Variants in SUCLG2 observed in about 807,000 individuals in gnomAD.
The protein encoded by SUCLG2 is succinate--CoA ligase [GDP-forming] subunit beta, mitochondrial.
Under a neutral mutation model 47.9 loss-of-function variants are expected in SUCLG2, and 42 were observed. The observed-to-expected ratio is 0.88, with a 90% CI of 0.69 to 1.14. The LOEUF is 1.14. Ranked by LOEUF, SUCLG2 falls within the 50% of genes most tolerant of loss-of-function variation. The pLI is 0.00. For synonymous variants in SUCLG2, 195 were observed against 197.3 expected (o/e 0.99, Z 0.10); for missense variants, 571 against 525.9 (o/e 1.09, Z -0.84).
At chr3:67,525,245 T>C (rs967297600) in intron 4 of SUCLG2, among the ~76,000 whole-genome samples, 2 of 152,188 alleles carry the variant, frequency 1.3e-5, no homozygotes, top group African/African-American at 4.8e-5. Flanking sequence ...TATCAAAATC[T>C]TAGCAAGATT....
intron 7 of SUCLG2, among the ~76,000 whole-genome samples, chr3:67,499,361 G>C (rs1705436163): frequency 6.6e-6 from 1 of 151,998 alleles, no homozygotes; most frequent in South Asian, 2.1e-4. Context: ...TTAAAACAAG[G>C]GCCATGCCCT....
At chr3:67,363,742 A>T (rs1168405525) in intron 10 of SUCLG2, among the ~76,000 whole-genome samples, 1 of 152,196 alleles carries the variant, frequency 6.6e-6, no homozygotes, top group South Asian at 2.1e-4. Flanking sequence ...AAAAAAGGGT[A>T]ACTCAGCAAA....
intron 2 of SUCLG2, among the ~76,000 whole-genome samples, chr3:67,539,306 A>G (rs1405339188): frequency 6.6e-6 from 1 of 152,112 alleles, no homozygotes; most frequent in African/African-American, 2.4e-5. Context: ...TTCTGCATCT[A>G]TTGAGATAAT....
chr3:67,377,897 A>G (rs1235089045), intron 10 of SUCLG2, among the ~76,000 whole-genome samples: 2 of 152,096 alleles, frequency 1.3e-5, no homozygotes, highest in Non-Finnish European at 2.9e-5. Context: ...CAAGGACTCC[A>G]TCTGCCGTGG....
At chr3:67,406,488 A>G (rs1702813641) in intron 9 of SUCLG2, among the ~76,000 whole-genome samples, 1 of 152,234 alleles carries the variant, frequency 6.6e-6, no homozygotes, top group Non-Finnish European at 1.5e-5. Flanking sequence ...ATAGGCAGAG[A>G]CATTTAAGCT....
chr3:67,465,197 G>A (rs753389440), intron 9 of SUCLG2, among the ~76,000 whole-genome samples: 4 of 152,092 alleles, frequency 2.6e-5, no homozygotes, highest in Non-Finnish European at 5.9e-5. Flanking sequence ...TCCTATCTTT[G>A]TCTAAGATTT....
intron 2 of SUCLG2, among the ~76,000 whole-genome samples, chr3:67,608,320 G>C (rs1700461942): frequency 6.6e-6 from 1 of 152,292 alleles, no homozygotes; most frequent in South Asian, 2.1e-4. Flanking sequence ...AGAAGTGGGT[G>C]AAATAGTGAC....
chr3:67,580,641 TTAAC>T (rs1707858045), intron 2 of SUCLG2, among the ~76,000 whole-genome samples: 4 of 152,164 alleles, frequency 2.6e-5, no homozygotes, highest in African/African-American at 9.7e-5. Context: ...TGTCCCTTGA[TTAAC>T]TATTATCTCT....
chr3:67,385,236 C>T (rs1189340749), intron 10 of SUCLG2, among the ~76,000 whole-genome samples: 1 of 152,188 alleles, frequency 6.6e-6, no homozygotes, highest in Non-Finnish European at 1.5e-5. Flanking sequence ...AGTTTTAAAA[C>T]CTCTCCTTAT....
At chr3:67,511,763 AT>A (rs376767282) in intron 6 of SUCLG2, among the ~76,000 whole-genome samples, 8 of 144,682 alleles carry the variant, frequency 5.5e-5, no homozygotes, top group East Asian at 1.9e-4. Context: ...GAGACATCTT[AT>A]TTTTTTTGTG....
intron 10 of SUCLG2, among the ~76,000 whole-genome samples, chr3:67,395,694 C>G (rs1024110279): frequency 2.0e-5 from 3 of 152,184 alleles, no homozygotes; most frequent in Non-Finnish European, 2.9e-5. Context: ...ACAGAACTCT[C>G]CACCCCAAAT....
At chr3:67,525,670 C>A (rs1706236639) in intron 4 of SUCLG2, among the ~76,000 whole-genome samples, 1 of 151,884 alleles carries the variant, frequency 6.6e-6, no homozygotes, top group South Asian at 2.1e-4. Context: ...AAACATAAAA[C>A]TATAAAACAT....
At chr3:67,475,984 TCTCC>T (rs1046147897) in intron 9 of SUCLG2, among the ~76,000 whole-genome samples, 7 of 148,284 alleles carry the variant, frequency 4.7e-5, no homozygotes, top group African/African-American at 1.8e-4. Flanking sequence ...TCCCTTTCCT[TCTCC>T]CTCTCTCTCT....
At chr3:67,499,232 T>C (rs1204978590) in intron 7 of SUCLG2, among the ~76,000 whole-genome samples, 1 of 152,204 alleles carries the variant, frequency 6.6e-6, no homozygotes, top group Non-Finnish European at 1.5e-5. Flanking sequence ...GGAGAGCACT[T>C]AAAATATATA....
intron 2 of SUCLG2, among the ~76,000 whole-genome samples, chr3:67,606,348 A>T (rs1187370939): frequency 1.3e-5 from 2 of 152,236 alleles, no homozygotes; most frequent in Non-Finnish European, 2.9e-5. Context: ...TATCTCAAAG[A>T]GATTAGGTGT....
At chr3:67,539,572 A>G (rs796994068) in intron 2 of SUCLG2, among the ~76,000 whole-genome samples, 36 of 152,340 alleles carry the variant, frequency 2.4e-4, no homozygotes, top group African/African-American at 8.2e-4. Flanking sequence ...TGCTGGCATC[A>G]TAAAATGAGT....
chr3:67,570,166 G>A (rs142483761), intron 2 of SUCLG2, among the ~76,000 whole-genome samples: 317 of 152,326 alleles, frequency 2.1e-3, no homozygotes, highest in Non-Finnish European at 3.7e-3. Context: ...AAAGGCCTCA[G>A]AATGGAATCA....
rs889707661 is a variant in SUCLG2, at chr3:67,471,653, T to A, written c.1062+24145A>T. Among the ~76,000 whole-genome samples, 13 of 152,060 alleles carry A rather than the reference T, an allele frequency of 8.5e-5. 1 individual carries two copies. The highest frequency in any genetic ancestry group is 1.5e-5 in the Non-Finnish European group (1 of 68,022). ...AGGTGTGGGAGAGAAATGATGATGA[T>A]GAAGAAGAAGAAGGCGGCAAATTAA... On this transcript the variant is annotated intron_variant, in intron 9 of 10. Coordinates refer to ENST00000307227, the MANE Select transcript of SUCLG2 (RefSeq NM_003848.4).
At chr3:67,446,992 T>C (rs775233256) in intron 9 of SUCLG2, among the ~76,000 whole-genome samples, 26 of 152,168 alleles carry the variant, frequency 1.7e-4, no homozygotes, top group Admixed American at 2.0e-4. Flanking sequence ...CAAAAAAGGT[T>C]AACATTAGTT....
Sources: allele counts gnomAD v4.1 joint callset (sites outside exome capture counted in the v4.1 genomes callset), GRCh38; gene constraint gnomAD v4.1.1; transcripts MANE v1.5; gene names NCBI Gene and HGNC (gene_info 2026-07-23, HGNC 2026-07-21).